KLHL15: variants seen among roughly 807,000 people sequenced by gnomAD.
The protein encoded by KLHL15 is kelch like family member 15.
A neutral mutation model predicts 29.3 loss-of-function variants in KLHL15; 1 was observed. That is an observed-to-expected ratio of 0.03 (90% CI 0.01 to 0.16). KLHL15 has a LOEUF of 0.16. Ranked by LOEUF, KLHL15 falls within the 10% of genes least tolerant of loss-of-function variation. KLHL15 has a pLI of 1.00. For synonymous variants in KLHL15, 212 were observed against 184.5 expected (o/e 1.15, Z -1.21); for missense variants, 215 against 478.5 (o/e 0.45, Z 5.14).
intron 3 of KLHL15, among the ~76,000 whole-genome samples, chrX:23,996,534 G>T (rs375239364): frequency 6.3e-5 from 7 of 111,134 alleles, no homozygotes; most frequent in East Asian, 2.8e-4. Context: ...GTGGTGGGGG[G>T]CACCTGTAAT....
At chrX:24,019,266 ATTTG>A (rs1443281183) in intron 2 of KLHL15, among the ~76,000 whole-genome samples, 14 of 111,710 alleles carry the variant, frequency 1.3e-4, no homozygotes, top group African/African-American at 1.6e-4. Context: ...ATTAATTTTT[ATTTG>A]TTTATTTATT....
intron 3 of KLHL15, among the ~76,000 whole-genome samples, chrX:23,998,048 G>A (rs192737963): frequency 1.6e-3 from 177 of 110,005 alleles, no homozygotes; most frequent in Non-Finnish European, 2.9e-3. Flanking sequence ...TGCAACCTCC[G>A]CCTCCCAGGT....
Position 24,006,434 on chromosome X carries a change from T to A in KLHL15, c.260A>T (p.Gln87Leu). Residue 87 changes from glutamine to leucine, a missense_variant, in exon 3 of 4, where the codon CAA becomes CTA. Coordinates refer to ENST00000328046, the MANE Select transcript of KLHL15 (RefSeq NM_030624.3). ...LTATGFSHVL[Q>L]FMYYGTIELS... ...CTCTATAGTTCCATAGTACATAAATTGCAGGACATGGCTGAAACCGGTAGC... is the reference window on the plus strand; with the variant it reads ...CTCTATAGTTCCATAGTACATAAATAGCAGGACATGGCTGAAACCGGTAGC... 8.3e-7 allele frequency: 1 copy of A among 1,211,500 alleles called. No individual in the cohort carries two copies. Among genetic ancestry groups the A allele is most frequent in the South Asian group, 1.8e-5 (1 of 56,974 alleles).
At chrX:24,003,957 T>TTA (rs758149048) in intron 3 of KLHL15, among the ~76,000 whole-genome samples, 1 of 86,130 alleles carries the variant, frequency 1.2e-5, no homozygotes, top group African/African-American at 4.1e-5. Context: ...AAAAGTATAC[T>TTA]AAAAAAAAAA....
At chrX:24,025,245 A>C (rs1477397163) in intron 1 of KLHL15, among the ~76,000 whole-genome samples, 187 bp from the exon 2 acceptor site, 1 of 110,604 alleles carries the variant, frequency 9.0e-6, no homozygotes, top group Non-Finnish European at 1.9e-5. Context: ...GCAGAGACAG[A>C]AGCACCAGCC....
intron 2 of KLHL15, among the ~76,000 whole-genome samples, chrX:24,007,506 AAAATAT>A (rs1304248672): frequency 0.011 from 630 of 58,258 alleles, 2 homozygotes; most frequent in South Asian, 0.068. Context: ...AAAAAAAAAA[AAAATAT>A]ATATATATAT....
chrX:24,011,117 C>T (rs1929564061), intron 2 of KLHL15, among the ~76,000 whole-genome samples: 1 of 106,356 alleles, frequency 9.4e-6, no homozygotes, highest in South Asian at 4.2e-4. Context: ...ATTCAACTTC[C>T]TGACAGATTA....
chrX:24,013,271 T>A (rs1929610548), intron 2 of KLHL15, among the ~76,000 whole-genome samples: 1 of 109,386 alleles, frequency 9.1e-6, no homozygotes, highest in African/African-American at 3.3e-5. Context: ...AAAAAAAAAT[T>A]TTTTTTTTTG....
At chrX:24,025,201 G>A (rs1184881463) in intron 1 of KLHL15, 143 bp from the exon 2 acceptor site, 16 of 288,529 alleles carry the variant, frequency 5.5e-5, no homozygotes, top group African/African-American at 4.4e-4. Flanking sequence ...GCCGACTGGG[G>A]CCGCGGGCGG....
chrX:24,000,089 T>C (rs1298967933), intron 3 of KLHL15, among the ~76,000 whole-genome samples: 1 of 112,359 alleles, frequency 8.9e-6, no homozygotes, highest in Admixed American at 9.5e-5. Context: ...AGCTGCATAT[T>C]ATCTGGTATC....
intron 2 of KLHL15, among the ~76,000 whole-genome samples, chrX:24,013,547 A>G (rs1929617008): frequency 9.0e-6 from 1 of 111,324 alleles, no homozygotes; most frequent in Non-Finnish European, 1.9e-5. Flanking sequence ...TACAGGCGTA[A>G]GCCACCACAC....
intron 3 of KLHL15, among the ~76,000 whole-genome samples, chrX:23,999,594 C>CAA (rs57473929): frequency 9.0e-5 from 5 of 55,457 alleles, no homozygotes; most frequent in Admixed American, 2.2e-4. Context: ...GACTCCGTCT[C>CAA]AAAAAAAAAA....
At position 23,987,472 on chromosome X, in the gene KLHL15, A is replaced by G. The variant is rs1472447143; in HGVS notation, c.*449T>C. 2.6e-5 allele frequency: 3 copies of G among 113,751 alleles called. No individual in the cohort carries two copies. In the Admixed American group the frequency reaches 2.8e-4, roughly 11 times the overall value. The allele number at this position is 113,751 out of a possible 1,213,427, so 9.4% of individuals were successfully genotyped here. ...CAAAAAGCCATGCAAAAAGGTCAAG[A>G]GTTTTAAACTTTTAAATAATAAAAC... On this transcript the variant is annotated 3_prime_UTR_variant, in exon 4 of 4. Transcript: ENST00000328046.
At chrX:24,025,731 G>T (rs1181111277) in intron 1 of KLHL15, among the ~76,000 whole-genome samples, 1 of 109,662 alleles carries the variant, frequency 9.1e-6, no homozygotes, top group East Asian at 3.0e-4. Context: ...GGGGGAAGGG[G>T]GGGCGGGGAA....
In KLHL15 at chrX:24,006,536, C is replaced by T; in HGVS notation, c.158G>A (p.Ser53Asn). 1 of 1,211,368 alleles carries T rather than the reference C, an allele frequency of 8.3e-7. No individual in the cohort carries two copies. Among genetic ancestry groups the T allele is most frequent in the Non-Finnish European group, 1.1e-6 (1 of 895,477 alleles). ...QAHKALLATQ[S>N]DYFRIMFTAD... ...AGTAAACATAATTCTGAAGTAATCACTCTGGGTGGCCAAGAGTGCTTTATG... is the reference window on the plus strand; with the variant it reads ...AGTAAACATAATTCTGAAGTAATCATTCTGGGTGGCCAAGAGTGCTTTATG... The change falls in exon 3 of 4, where the codon AGT (serine) becomes AAT (asparagine). Residue 53 changes from serine to asparagine, a missense_variant. By Grantham distance (46) the Ser-to-Asn change is conservative. Coordinates refer to ENST00000328046, the MANE Select transcript of KLHL15 (RefSeq NM_030624.3).
intron 2 of KLHL15, among the ~76,000 whole-genome samples, chrX:24,020,039 A>C (rs1254669741): frequency 5.3e-5 from 6 of 112,268 alleles, no homozygotes. Context: ...TAATATACTT[A>C]CCCTCAATGA....
chrX:23,988,353 A>G lies in KLHL15; in HGVS notation c.1383T>C (p.Thr461=). The part of the protein sequence containing the change: ...EGTIEQRTRR[T]QVVTNCWENK... ...TCTCCCAACAGTTGGTAACCACTTG[A>G]GTTCTCCTGGTCCGTTGTTCTATGG... Residue 461 remains threonine (T), a synonymous_variant, in exon 4 of 4, where the codon ACT becomes ACC. Transcript: ENST00000328046. 8.3e-7 allele frequency: 1 copy of G among 1,211,418 alleles called. No individual in the cohort carries two copies. The highest frequency in any genetic ancestry group is 1.7e-5 in the African/African-American group (1 of 57,724).
In KLHL15 at chrX:24,005,868, TAAGA is replaced by T. The variant is rs1929437066; in HGVS notation, c.705+117_705+120del. ...TTATGTTATTCATTCTTGAATAACATAAGAAATAACAAAATGAAGTTATTCATTC... is the reference window on the plus strand; with the variant it reads ...TTATGTTATTCATTCTTGAATAACATAATAACAAAATGAAGTTATTCATTC... On this transcript the variant is annotated intron_variant, in intron 3 of 3. Transcript: ENST00000328046. The T allele has an allele frequency of 9.5e-6, 5 of 523,929 alleles. No individual in the cohort carries two copies. In the South Asian group the frequency reaches 1.1e-4, roughly 12 times the overall value. The allele number at this position is 523,929 out of a possible 1,213,427, so 43.2% of individuals were successfully genotyped here.
intron 3 of KLHL15, among the ~76,000 whole-genome samples, chrX:23,995,134 AC>A (rs1467853702): frequency 8.9e-6 from 1 of 112,195 alleles, no homozygotes; most frequent in African/African-American, 3.2e-5. Context: ...ATATACACAC[AC>A]ACAAATATAT....
Sources: allele counts gnomAD v4.1 joint callset (sites outside exome capture counted in the v4.1 genomes callset), GRCh38; gene constraint gnomAD v4.1.1; transcripts MANE v1.5; gene names NCBI Gene and HGNC (gene_info 2026-07-23, HGNC 2026-07-21).